PUDP: variants seen among roughly 807,000 people sequenced by gnomAD.
PUDP encodes pseudouridine 5'-phosphatase, also known as pseudouridine-5'-phosphatase.
PUDP carries 8 observed loss-of-function variants against 9.4 expected under a neutral mutation model. That is an observed-to-expected ratio of 0.85 (90% confidence interval 0.50 to 1.53). PUDP has a LOEUF of 1.53. PUDP is among the 40% of genes most tolerant of loss of function. PUDP has a pLI of 0.00. For missense variants in PUDP, 188 were observed against 189.7 expected, an observed-to-expected ratio of 0.99 and a Z score of 0.05; for synonymous variants, 99 against 80.7, an observed-to-expected ratio of 1.23 and a Z score of -1.22.
At chrX:6,759,810 T>A (rs1275595304) in intron 3 of PUDP, among the ~76,000 whole-genome samples, 2 of 111,986 alleles carry the variant, frequency 1.8e-5, no homozygotes, top group Non-Finnish European at 3.8e-5. Context: ...ACTGGCCTTA[T>A]AGTGTTTGTT....
intron 3 of PUDP, among the ~76,000 whole-genome samples, chrX:6,846,197 G>A (rs898850366): frequency 2.7e-5 from 3 of 110,475 alleles, no homozygotes; most frequent in Admixed American, 1.9e-4. Context: ...GAGGTCAGGA[G>A]ATCGAGACCA....
rs781361221 is a variant in PUDP at position 6,875,771 on chromosome X, G to A, written c.*247+101362C>T. Among the ~76,000 whole-genome samples, 12 of 111,959 alleles carry A rather than the reference G, an allele frequency of 1.1e-4. No individual in the cohort carries two copies. In the South Asian group the frequency reaches 1.9e-3, roughly 17 times the overall value. On this transcript the variant is annotated intron_variant and NMD_transcript_variant, in intron 3 of 3. Transcript: ENST00000655425. Reference sequence around the variant, plus strand: ...CTAGCTGCAAGGGAGTCCAGGAAACGGCATTGTTGGCCTTCCATCCTTTGC... The same window carrying A: ...CTAGCTGCAAGGGAGTCCAGGAAACAGCATTGTTGGCCTTCCATCCTTTGC...
chrX:7,114,465 G>A (rs1159446855), intron 1 of PUDP, among the ~76,000 whole-genome samples: 3 of 111,558 alleles, frequency 2.7e-5, no homozygotes, highest in Non-Finnish European at 3.8e-5. Context: ...ATCCATGAAC[G>A]AAAGGGTCCA....
chrX:7,095,666 T>C (rs1290556467), intron 2 of PUDP, among the ~76,000 whole-genome samples: 2 of 112,403 alleles, frequency 1.8e-5, no homozygotes, highest in African/African-American at 6.5e-5. Context: ...GTCCCTCTTC[T>C]CTGTGAGGCT....
At chrX:7,037,618 C>A (rs1305504966) in intron 1 of PUDP, among the ~76,000 whole-genome samples, 1 of 112,269 alleles carries the variant, frequency 8.9e-6, no homozygotes, top group East Asian at 2.8e-4. Context: ...TATCTTCCTG[C>A]ATCTACTGTG....
chrX:7,056,598 T>C (rs183600682), intron 3 of PUDP, among the ~76,000 whole-genome samples: 4 of 111,913 alleles, frequency 3.6e-5, no homozygotes, highest in African/African-American at 1.3e-4. Flanking sequence ...TTGACGCAGC[T>C]TGTACAGCCT....
At chrX:6,840,539 G>A (rs1330433222) in intron 3 of PUDP, among the ~76,000 whole-genome samples, 1 of 112,163 alleles carries the variant, frequency 8.9e-6, no homozygotes, top group Non-Finnish European at 1.9e-5. Context: ...GACATTCTGG[G>A]AGAGGCAAAA....
intron 1 of PUDP, among the ~76,000 whole-genome samples, chrX:6,980,871 C>T (rs1279547256): frequency 9.0e-6 from 1 of 111,200 alleles, no homozygotes; most frequent in Admixed American, 9.6e-5. Flanking sequence ...CATTTTATAA[C>T]AGGGACTTGG....
At chrX:7,102,554 A>G (rs776218925) in intron 2 of PUDP, among the ~76,000 whole-genome samples, 1 of 111,006 alleles carries the variant, frequency 9.0e-6, no homozygotes, top group Admixed American at 9.6e-5. Context: ...TCACTACTAG[A>G]CAGTATAATA....
chrX:7,077,083 C>T (rs1930929398), intron 3 of PUDP, 137 bp downstream of exon 3: 1 of 1,012,057 alleles, frequency 9.9e-7, no homozygotes, highest in Non-Finnish European at 1.3e-6. Flanking sequence ...TGCCCACATA[C>T]CCAAGTTCTA....
intron 2 of PUDP, among the ~76,000 whole-genome samples, chrX:7,087,678 C>T (rs1481458432): frequency 8.9e-6 from 1 of 112,289 alleles, no homozygotes; most frequent in Non-Finnish European, 1.9e-5. Flanking sequence ...TTTTGGCAAA[C>T]ATTAAATACT....
chrX:6,744,448 T>A (rs749534425), intron 3 of PUDP, among the ~76,000 whole-genome samples: 2 of 111,941 alleles, frequency 1.8e-5, no homozygotes, highest in East Asian at 5.6e-4. Flanking sequence ...GTATGCTTGA[T>A]GGAACCTTTT....
intron 3 of PUDP, among the ~76,000 whole-genome samples, chrX:6,815,694 T>C (rs1336929023): frequency 9.0e-6 from 1 of 110,581 alleles, no homozygotes; most frequent in African/African-American, 3.3e-5. Flanking sequence ...GATAGACTTG[T>C]GGCATTTCTG....
chrX:6,884,930 A>T (rs1400376488), intron 3 of PUDP, among the ~76,000 whole-genome samples: 1 of 111,999 alleles, frequency 8.9e-6, no homozygotes, highest in Non-Finnish European at 1.9e-5. Flanking sequence ...CCCAGATCAG[A>T]CTGAGATGGC....
chrX:7,024,754 C>CTTTTTTTTTTTTTTTTTT lies in PUDP; in HGVS notation c.205-46429_205-46412dup, dbSNP rs55692944. The stretch of plus-strand genomic sequence containing the variant: ...GGCGCTCGCCACCTCGCCCGGCTAA[C>CTTTTTTTTTTTTTTTTTT]TTTTTTTTTTTTTTTTTTAGTAGAG... On this transcript the variant is annotated intron_variant and NMD_transcript_variant, in intron 1 of 3. Coordinates refer to the PUDP transcript ENST00000655425. 1.3e-3 allele frequency among the ~76,000 whole-genome samples: 70 copies of CTTTTTTTTTTTTTTTTTT among 54,438 alleles called. 12 individuals are homozygous for CTTTTTTTTTTTTTTTTTT. The highest frequency in any genetic ancestry group is 2.1e-3 in the African/African-American group (28 of 13,218). The allele number at this position is 54,438 out of a possible 115,157, so 47.3% of individuals were successfully genotyped here. A position where few individuals can be genotyped will look rare whatever the true frequency, so the allele number is the denominator to read the frequency against.
chrX:6,724,501 C>CAAAAAA (rs1170392595), upstream of PUDP, among the ~76,000 whole-genome samples: 3 of 45,470 alleles, frequency 6.6e-5, no homozygotes, highest in Admixed American at 2.9e-4. Context: ...ATTCTCTCTC[C>CAAAAAA]AAAAAAAAAA....
chrX:7,000,385 G>A (rs1016782116), intron 1 of PUDP, among the ~76,000 whole-genome samples: 1 of 110,809 alleles, frequency 9.0e-6, no homozygotes, highest in Non-Finnish European at 1.9e-5. Context: ...GAAAAATCTA[G>A]GCCCAGTTGG....
intron 3 of PUDP, among the ~76,000 whole-genome samples, chrX:6,798,926 T>C: frequency 9.0e-6 from 1 of 111,296 alleles, no homozygotes; most frequent in Non-Finnish European, 1.9e-5. Flanking sequence ...GCTGTAACTG[T>C]AGGTTCACAC....
intron 3 of PUDP, among the ~76,000 whole-genome samples, chrX:6,912,375 T>C (rs2146758091): frequency 8.9e-6 from 1 of 112,363 alleles, no homozygotes; most frequent in East Asian, 2.8e-4. Context: ...CCAGTGTGCA[T>C]GCTACCCAAT....
Sources: allele counts gnomAD v4.1 joint callset (sites outside exome capture counted in the v4.1 genomes callset), GRCh38; gene constraint gnomAD v4.1.1; transcripts MANE v1.5; gene names NCBI Gene and HGNC (gene_info 2026-07-23, HGNC 2026-07-21).